EYS: variants seen among roughly 807,000 people sequenced by gnomAD.
EYS encodes EGF-like photoreceptor maintenance factor, also known as protein eyes shut homolog.
A neutral mutation model predicts 282.1 loss-of-function variants in EYS; 250 were observed. The ratio of observed to expected loss-of-function variants is 0.89; its 90% CI spans 0.80 to 0.98. The LOEUF (loss-of-function observed/expected upper bound fraction) is 0.98. Among genes scored for constraint, EYS ranks in the 50% least tolerant of loss-of-function variants. The pLI is 0.00. For missense variants in EYS, 4,016 were observed against 3,709.0 expected, an observed-to-expected ratio of 1.08 and a Z score of -2.15; for synonymous variants, 1,355 against 1,282.9, an observed-to-expected ratio of 1.06 and a Z score of -1.20.
rs529341949 is a variant in EYS, at chr6:64,406,599, C to T, written c.5928-17759G>A. 4.6e-5 allele frequency among the ~76,000 whole-genome samples: 7 copies of T among 152,044 alleles called. No individual in the cohort carries two copies. The South Asian group carries it at 1.3e-3, about 27-fold the overall frequency. On this transcript the variant is annotated intron_variant, in intron 28 of 42. Transcript: ENST00000503581. Reference sequence around the variant, plus strand: ...GCTAATATCCAGAATCTACAAAGAACTTACACACATTTACAAGAAAAAAAC... The same window carrying T: ...GCTAATATCCAGAATCTACAAAGAATTTACACACATTTACAAGAAAAAAAC...
chr6:65,420,988 G>A (rs1452851993), intron 5 of EYS, among the ~76,000 whole-genome samples: 1 of 151,810 alleles, frequency 6.6e-6, no homozygotes, highest in African/African-American at 2.4e-5. Context: ...TAGAGGGCAG[G>A]CAGAGTAAAT....
At chr6:64,738,441 C>A (rs989424038) in intron 22 of EYS, among the ~76,000 whole-genome samples, 1 of 152,172 alleles carries the variant, frequency 6.6e-6, no homozygotes, top group Non-Finnish European at 1.5e-5. Context: ...CATGCTTGTA[C>A]AAGGTGCAGA....
intron 29 of EYS, among the ~76,000 whole-genome samples, chr6:64,351,186 G>C (rs1561945824): frequency 6.6e-6 from 1 of 151,430 alleles, no homozygotes; most frequent in Non-Finnish European, 1.5e-5. Flanking sequence ...TGAAGATTGA[G>C]ATACTGGTAT....
intron 29 of EYS, among the ~76,000 whole-genome samples, chr6:64,311,744 C>T (rs541132563): frequency 6.6e-6 from 1 of 152,092 alleles, no homozygotes; most frequent in African/African-American, 2.4e-5. Flanking sequence ...GATGGGGTGT[C>T]AGCTCACCCG....
chr6:64,752,581 T>C (rs1430520736), intron 22 of EYS, among the ~76,000 whole-genome samples: 1 of 152,160 alleles, frequency 6.6e-6, no homozygotes, highest in African/African-American at 2.4e-5. Flanking sequence ...GACTATCTAT[T>C]TGAGGGAATG....
At chr6:64,260,690 A>G (rs1478652672) in intron 30 of EYS, among the ~76,000 whole-genome samples, 2 of 151,966 alleles carry the variant, frequency 1.3e-5, no homozygotes, top group Non-Finnish European at 2.9e-5. Flanking sequence ...ATACTTGTGG[A>G]GGTTATTCCT....
chr6:64,825,346 C>CT (rs968039806), intron 19 of EYS, among the ~76,000 whole-genome samples: 2 of 151,738 alleles, frequency 1.3e-5, no homozygotes, highest in Non-Finnish European at 2.9e-5. Context: ...ATGTATTCAT[C>CT]TTTTTTTTCT....
intron 30 of EYS, among the ~76,000 whole-genome samples, chr6:64,285,033 C>T (rs1660080893): frequency 6.6e-6 from 1 of 152,162 alleles, no homozygotes; most frequent in Non-Finnish European, 1.5e-5. Flanking sequence ...AGCTCCTTGT[C>T]ACTTATGCAA....
intron 41 of EYS, among the ~76,000 whole-genome samples, chr6:63,737,215 G>A (rs1768939110): frequency 6.6e-6 from 1 of 152,162 alleles, no homozygotes; most frequent in African/African-American, 2.4e-5. Flanking sequence ...GATGATATTG[G>A]CTGTGGGTTT....
intron 2 of EYS, among the ~76,000 whole-genome samples, chr6:65,569,099 G>C (rs1214571374): frequency 6.6e-6 from 1 of 152,114 alleles, no homozygotes; most frequent in Non-Finnish European, 1.5e-5. Flanking sequence ...AGTAACTAAA[G>C]AATGACAAAA....
chr6:64,952,881 A>G (rs931819927), intron 14 of EYS, among the ~76,000 whole-genome samples: 3 of 151,982 alleles, frequency 2.0e-5, no homozygotes, highest in Non-Finnish European at 2.9e-5. Context: ...TTTGTTCAAC[A>G]ATTATCATCA....
intron 30 of EYS, among the ~76,000 whole-genome samples, chr6:64,241,142 T>G (rs1440571696): frequency 6.6e-6 from 1 of 152,208 alleles, no homozygotes; most frequent in East Asian, 1.9e-4. Context: ...TGGATTAGGT[T>G]TGCCAGTATT....
intron 22 of EYS, among the ~76,000 whole-genome samples, chr6:64,716,322 C>T (rs1326314255): frequency 6.6e-6 from 1 of 152,166 alleles, no homozygotes; most frequent in South Asian, 2.1e-4. Flanking sequence ...CATTCAAAGA[C>T]TTGGATAGTT....
At chr6:64,651,181 C>T (rs1265630262) in intron 22 of EYS, among the ~76,000 whole-genome samples, 5 of 152,162 alleles carry the variant, frequency 3.3e-5, no homozygotes, top group Non-Finnish European at 5.9e-5. Flanking sequence ...TAGATAAATG[C>T]TTACAGAAAG....
intron 22 of EYS, among the ~76,000 whole-genome samples, chr6:64,661,101 A>G (rs1768997350): frequency 6.6e-6 from 1 of 152,178 alleles, no homozygotes; most frequent in Admixed American, 6.5e-5. Context: ...CAACCATCTG[A>G]TCTTTGACAA....
chr6:64,175,671 A>G (rs1376712953), intron 31 of EYS, among the ~76,000 whole-genome samples: 1 of 152,164 alleles, frequency 6.6e-6, no homozygotes, highest in Non-Finnish European at 1.5e-5. Context: ...AGCCCAGGGA[A>G]TAGTAGGTAA....
intron 2 of EYS, among the ~76,000 whole-genome samples, chr6:65,635,968 C>T (rs1767073123): frequency 6.6e-6 from 1 of 152,156 alleles, no homozygotes. Flanking sequence ...AACCTAAAAG[C>T]CTGAGATGAG....
At chr6:64,355,316 C>G (rs914860568) in intron 29 of EYS, among the ~76,000 whole-genome samples, 3 of 151,482 alleles carry the variant, frequency 2.0e-5, no homozygotes, top group African/African-American at 7.3e-5. Flanking sequence ...TATGTGGCTT[C>G]CAGGTCCCTT....
At chr6:64,733,510 T>C (rs1165469558) in intron 22 of EYS, 2 of 185,708 alleles carry the variant, frequency 1.1e-5, no homozygotes, top group East Asian at 1.2e-4. Context: ...CCCATTGTCA[T>C]GGCAACAAGT....
Sources: gnomAD v4.1 joint callset for allele counts (sites outside exome capture counted in the v4.1 genomes callset) on GRCh38, gnomAD v4.1.1 for gene constraint, MANE v1.5 for transcripts, NCBI Gene and HGNC (gene_info 2026-07-23, HGNC 2026-07-21) for gene names.